CCBE1: variants seen among roughly 807,000 people sequenced by gnomAD.
CCBE1 encodes collagen and calcium-binding EGF domain-containing protein 1.
A neutral mutation model predicts 50.0 loss-of-function variants in CCBE1; 37 were observed. The ratio of observed to expected loss-of-function variants is 0.74; its 90% CI spans 0.57 to 0.97. The LOEUF (loss-of-function observed/expected upper bound fraction) is 0.97. Ranked by LOEUF, CCBE1 falls within the 50% of genes least tolerant of loss-of-function variation. The probability of loss-of-function intolerance (pLI) is 0.00; values close to 1 mark genes in which losing one functional copy is unlikely to be tolerated. For missense variants in CCBE1, 538 were observed against 523.8 expected, an observed-to-expected ratio of 1.03 and a Z score of -0.26; for synonymous variants, 234 against 203.7, an observed-to-expected ratio of 1.15 and a Z score of -1.27.
In CCBE1 at chr18:59,644,453, C is replaced by T. The variant is rs142726941; in HGVS notation, c.212+52176G>A. On this transcript the variant is annotated intron_variant, in intron 2 of 10. Coordinates refer to ENST00000439986, the MANE Select transcript of CCBE1 (RefSeq NM_133459.4). ...CAGCTTACAAAGCATCCTTCCCAGA[C>T]CCTCTCCTTGTAAGCCACTTTAACC... 6.5e-3 allele frequency among the ~76,000 whole-genome samples: 997 copies of T among 152,318 alleles called. 7 individuals carry two copies. The highest frequency in any genetic ancestry group is 8.4e-3 in the Non-Finnish European group (571 of 68,024).
intron 2 of CCBE1, among the ~76,000 whole-genome samples, chr18:59,481,815 G>C (rs1304231732): frequency 6.6e-6 from 1 of 152,148 alleles, no homozygotes; most frequent in Non-Finnish European, 1.5e-5. Flanking sequence ...AGTTCTTCAG[G>C]CTAACAGGAG....
intron 2 of CCBE1, among the ~76,000 whole-genome samples, chr18:59,513,798 G>T (rs1029272196): frequency 2.6e-5 from 4 of 152,238 alleles, no homozygotes; most frequent in African/African-American, 9.6e-5. Context: ...GGAAATGGGG[G>T]CTCAGTGCTG....
intron 2 of CCBE1, among the ~76,000 whole-genome samples, chr18:59,637,215 G>A (rs972324542): frequency 1.3e-5 from 2 of 152,090 alleles, no homozygotes; most frequent in Admixed American, 1.3e-4. Flanking sequence ...CAAACAACAT[G>A]ATCTTAATTT....
chr18:59,685,470 T>A (rs2054642573), intron 2 of CCBE1, among the ~76,000 whole-genome samples: 1 of 152,218 alleles, frequency 6.6e-6, no homozygotes, highest in Admixed American at 6.5e-5. Flanking sequence ...CCTGGCTTAG[T>A]GGCCATGGAA....
At chr18:59,453,284 A>C (rs560639641) in intron 6 of CCBE1, among the ~76,000 whole-genome samples, 178 of 152,288 alleles carry the variant, frequency 1.2e-3, no homozygotes, top group African/African-American at 3.9e-3. Context: ...TGGCTTATGA[A>C]ATGCAAACTT....
chr18:59,654,611 G>A (rs1001422856), intron 2 of CCBE1, among the ~76,000 whole-genome samples: 1 of 151,616 alleles, frequency 6.6e-6, no homozygotes, highest in South Asian at 2.1e-4. Context: ...GTGACAGAAT[G>A]AGACTCTGTC....
intron 2 of CCBE1, among the ~76,000 whole-genome samples, chr18:59,513,988 C>T (rs548278678): frequency 6.6e-6 from 1 of 152,146 alleles, no homozygotes; most frequent in Non-Finnish European, 1.5e-5. Flanking sequence ...CCTGCAGGGA[C>T]CCCAGTAGCC....
chr18:59,624,342 T>C (rs2053750522), intron 2 of CCBE1, among the ~76,000 whole-genome samples: 1 of 152,236 alleles, frequency 6.6e-6, no homozygotes, highest in Non-Finnish European at 1.5e-5. Flanking sequence ...TGCAAGGGCA[T>C]ACTAAAGTTG....
chr18:59,498,144 C>T (rs1913443238), intron 2 of CCBE1, among the ~76,000 whole-genome samples: 1 of 152,186 alleles, frequency 6.6e-6, no homozygotes, highest in Non-Finnish European at 1.5e-5. Flanking sequence ...CCAATTACCA[C>T]TTCCTTCACT....
At chr18:59,488,877 C>G (rs933018799) in intron 2 of CCBE1, among the ~76,000 whole-genome samples, 1 of 152,088 alleles carries the variant, frequency 6.6e-6, no homozygotes, top group South Asian at 2.1e-4. Context: ...TGTTGTGTCT[C>G]CCCCACCGAG....
At chr18:59,474,282 A>G (rs1912204648) in intron 3 of CCBE1, among the ~76,000 whole-genome samples, 1 of 152,286 alleles carries the variant, frequency 6.6e-6, no homozygotes, top group Admixed American at 6.5e-5. Context: ...TTTCCCTCTA[A>G]TATCTGATGA....
At chr18:59,517,661 T>G (rs1914429914) in intron 2 of CCBE1, among the ~76,000 whole-genome samples, 1 of 152,172 alleles carries the variant, frequency 6.6e-6, no homozygotes, top group African/African-American at 2.4e-5. Context: ...GTTCTATCCC[T>G]TTCTTCCTAG....
chr18:59,499,756 T>G (rs957907133), intron 2 of CCBE1, among the ~76,000 whole-genome samples: 1 of 152,114 alleles, frequency 6.6e-6, no homozygotes, highest in African/African-American at 2.4e-5. Context: ...AGCACTGTCT[T>G]CTCTAGGCAC....
chr18:59,499,881 G>A (rs899978341), intron 2 of CCBE1, among the ~76,000 whole-genome samples: 1 of 152,204 alleles, frequency 6.6e-6, no homozygotes. Context: ...TGAACAAGAA[G>A]GGTCTTCCAA....
chr18:59,465,225 A>G (rs1360203444), intron 5 of CCBE1, among the ~76,000 whole-genome samples: 1 of 152,206 alleles, frequency 6.6e-6, no homozygotes, highest in Non-Finnish European at 1.5e-5. Context: ...GGCACTGACA[A>G]CTTGGCAGGG....
At chr18:59,518,504 T>C (rs1005153835) in intron 2 of CCBE1, among the ~76,000 whole-genome samples, 1 of 152,242 alleles carries the variant, frequency 6.6e-6, no homozygotes, top group African/African-American at 2.4e-5. Context: ...TTAATGGATC[T>C]TCTCTTGTCA....
At chr18:59,667,403 T>C (rs2054371819) in intron 2 of CCBE1, among the ~76,000 whole-genome samples, 1 of 152,178 alleles carries the variant, frequency 6.6e-6, no homozygotes, top group African/African-American at 2.4e-5. Context: ...GATGGAGCTG[T>C]TTACAAAGGT....
intron 2 of CCBE1, among the ~76,000 whole-genome samples, chr18:59,646,089 A>T (rs905758842): frequency 6.6e-6 from 1 of 152,136 alleles, no homozygotes; most frequent in African/African-American, 2.4e-5. Context: ...GGTGTAGAGA[A>T]TTCCTCTGGA....
chr18:59,592,528 T>C (rs1055403885), intron 2 of CCBE1, among the ~76,000 whole-genome samples: 9 of 152,206 alleles, frequency 5.9e-5, no homozygotes, highest in Non-Finnish European at 1.3e-4. Context: ...TAAAATGACA[T>C]CTACAATATA....
Sources: gnomAD v4.1 joint callset for allele counts (sites outside exome capture counted in the v4.1 genomes callset) on GRCh38, gnomAD v4.1.1 for gene constraint, MANE v1.5 for transcripts, NCBI Gene and HGNC (gene_info 2026-07-23, HGNC 2026-07-21) for gene names.